Variants in SDHC observed in about 807,000 individuals in gnomAD.
The protein encoded by SDHC is succinate dehydrogenase complex subunit C, also known as succinate dehydrogenase cytochrome b560 subunit, mitochondrial.
SDHC carries 11 observed loss-of-function variants against 22.6 expected under a neutral mutation model. The observed-to-expected ratio is 0.49, with a 90% confidence interval of 0.31 to 0.81. The LOEUF (loss-of-function observed/expected upper bound fraction) is 0.81, where lower values mean the gene tolerates loss of function less well. Ranked by LOEUF, SDHC falls within the 30% of genes least tolerant of loss-of-function variation. The probability of loss-of-function intolerance (pLI) is 0.05; values close to 1 mark genes in which losing one functional copy is unlikely to be tolerated. For synonymous variants in SDHC, 80 were observed against 77.8 expected (o/e 1.03, Z -0.15); for missense variants, 160 against 212.0 (o/e 0.75, Z 1.52).
intron 3 of SDHC, among the ~76,000 whole-genome samples, chr1:161,338,580 G>A (rs1483700938): frequency 6.6e-6 from 1 of 152,188 alleles, no homozygotes; most frequent in East Asian, 1.9e-4. Flanking sequence ...TTAAAAAGGG[G>A]TTTGATGATG....
intron 3 of SDHC, among the ~76,000 whole-genome samples, chr1:161,336,180 C>G (rs1671473092): frequency 1.3e-5 from 2 of 151,986 alleles, no homozygotes; most frequent in Admixed American, 6.6e-5. Context: ...TTTAGGAGGC[C>G]CGGTGCGGTG....
At chr1:161,351,222 G>A (rs1324670157) in intron 4 of SDHC, among the ~76,000 whole-genome samples, 3 of 152,196 alleles carry the variant, frequency 2.0e-5, no homozygotes, top group African/African-American at 4.8e-5. Flanking sequence ...GGCTTTCTGG[G>A]TCTTGGATTT....
chr1:161,362,247 A>G (rs1672541920), intron 5 of SDHC, 82 bp from the exon 6 acceptor site: 1 of 1,472,132 alleles, frequency 6.8e-7, no homozygotes, highest in South Asian at 1.2e-5. Context: ...CTATTCCTTT[A>G]GGTAGAATTA....
intron 4 of SDHC, among the ~76,000 whole-genome samples, chr1:161,350,937 A>G (rs889573817): frequency 1.3e-5 from 2 of 152,158 alleles, no homozygotes; most frequent in African/African-American, 4.8e-5. Context: ...GGGAGGGGCA[A>G]AGAATGAGAT....
chr1:161,317,905 G>A (rs1670686890), intron 1 of SDHC, among the ~76,000 whole-genome samples: 1 of 151,964 alleles, frequency 6.6e-6, no homozygotes, highest in Non-Finnish European at 1.5e-5. Flanking sequence ...TGGGCATGGT[G>A]GCTCATGCCT....
chr1:161,323,219 C>T (rs577053512), intron 1 of SDHC, among the ~76,000 whole-genome samples: 37 of 151,762 alleles, frequency 2.4e-4, no homozygotes, highest in Non-Finnish European at 4.3e-4. Flanking sequence ...AGGATGGTCT[C>T]GATCTCCTGA....
intron 5 of SDHC, 137 bp from the exon 6 acceptor site, chr1:161,362,192 A>G: frequency 9.7e-7 from 1 of 1,032,460 alleles, no homozygotes; most frequent in South Asian, 1.4e-5. Context: ...GGTGGGGCAT[A>G]AGGGTAGAAG....
At chr1:161,342,839 T>C (rs1174689077) in intron 4 of SDHC, among the ~76,000 whole-genome samples, 1 of 152,148 alleles carries the variant, frequency 6.6e-6, no homozygotes, top group African/African-American at 2.4e-5. Flanking sequence ...AGAGGAAATA[T>C]CTTGCCTAGA....
At chr1:161,353,180 G>A (rs998145792) in intron 4 of SDHC, among the ~76,000 whole-genome samples, 3 of 152,064 alleles carry the variant, frequency 2.0e-5, no homozygotes, top group Non-Finnish European at 4.4e-5. Flanking sequence ...TTTGACTCTC[G>A]TAGGTCATTT....
At chr1:161,323,691 ATTAT>A (rs755536226) in intron 2 of SDHC, 21 bp downstream of exon 2, 9 of 1,566,194 alleles carry the variant, frequency 5.7e-6, no homozygotes, top group African/African-American at 2.9e-5. Flanking sequence ...AAGTCTGGAG[ATTAT>A]TTATTTATTT....
At chr1:161,349,523 G>A (rs144187300) in intron 4 of SDHC, among the ~76,000 whole-genome samples, 3 of 152,220 alleles carry the variant, frequency 2.0e-5, no homozygotes, top group African/African-American at 7.2e-5. Context: ...GGAAGAATCA[G>A]AACTTTTGTG....
chr1:161,330,769 G>C (rs539678233), intron 3 of SDHC, among the ~76,000 whole-genome samples: 1 of 152,266 alleles, frequency 6.6e-6, no homozygotes, highest in African/African-American at 2.4e-5. Flanking sequence ...GGAGACCAAA[G>C]CAGGTGAATT....
intron 4 of SDHC, among the ~76,000 whole-genome samples, chr1:161,341,490 T>C (rs1671717718): frequency 6.6e-6 from 1 of 152,210 alleles, no homozygotes; most frequent in Non-Finnish European, 1.5e-5. Context: ...AGGTTTATTA[T>C]ATGGAGTGCA....
intron 2 of SDHC, 50 bp from the exon 3 acceptor site, chr1:161,328,346 T>G (rs1671143221): frequency 7.1e-7 from 1 of 1,416,876 alleles, no homozygotes. Flanking sequence ...TGCAAAATAT[T>G]AAACCAAGTT....
At chr1:161,341,477 G>C (rs552160459) in intron 4 of SDHC, among the ~76,000 whole-genome samples, 1 of 152,284 alleles carries the variant, frequency 6.6e-6, no homozygotes, top group South Asian at 2.1e-4. Flanking sequence ...TTTTTAGGTA[G>C]GAAGGTTTAT....
intron 3 of SDHC, among the ~76,000 whole-genome samples, chr1:161,332,542 G>C (rs35949692): frequency 0.095 from 14,402 of 152,034 alleles, 974 homozygotes; most frequent in Non-Finnish European, 0.13. Flanking sequence ...TATACCATAC[G>C]GTTCACACAT....
intron 3 of SDHC, among the ~76,000 whole-genome samples, chr1:161,335,969 T>C (rs1214843716): frequency 1.3e-5 from 2 of 152,180 alleles, no homozygotes; most frequent in African/African-American, 4.8e-5. Context: ...TCTGCTACTC[T>C]CTTGGGTTTC....
chr1:161,336,739 ATTTTTTGGG>A (rs1472742791), intron 3 of SDHC, among the ~76,000 whole-genome samples: 1 of 151,980 alleles, frequency 6.6e-6, no homozygotes, highest in Admixed American at 6.6e-5. Flanking sequence ...TCTATTACCC[ATTTTTTGGG>A]TTTTTTGAAA....
intron 3 of SDHC, among the ~76,000 whole-genome samples, chr1:161,333,436 C>T (rs1315200587): frequency 3.4e-5 from 5 of 144,968 alleles, no homozygotes; most frequent in Admixed American, 7.0e-5. Flanking sequence ...GACGGAGTCT[C>T]GCTCTGTTGC....
Sources: allele counts gnomAD v4.1 joint callset (sites outside exome capture counted in the v4.1 genomes callset), GRCh38; gene constraint gnomAD v4.1.1; transcripts MANE v1.5; gene names NCBI Gene and HGNC (gene_info 2026-07-23, HGNC 2026-07-21).